Variants in CACNA2D3 observed in about 807,000 individuals in gnomAD.
CACNA2D3 encodes voltage-dependent calcium channel subunit alpha-2/delta-3.
In CACNA2D3, 60 loss-of-function variants were observed where a neutral mutation model predicts 160.6. The observed-to-expected ratio is 0.37, with a 90% CI of 0.30 to 0.46. The LOEUF (loss-of-function observed/expected upper bound fraction) is 0.46, where lower values mean the gene tolerates loss of function less well. Among genes scored for constraint, CACNA2D3 ranks in the 20% least tolerant of loss-of-function variants. The pLI is 1.00. For missense variants in CACNA2D3, 1,205 were observed against 1,365.0 expected (o/e 0.88, Z 1.85); for synonymous variants, 558 against 492.9 (o/e 1.13, Z -1.75).
At chr3:54,811,137 T>G (rs972865432) in intron 13 of CACNA2D3, among the ~76,000 whole-genome samples, 1 of 152,186 alleles carries the variant, frequency 6.6e-6, no homozygotes, top group Non-Finnish European at 1.5e-5. Context: ...ATGAGCTTCA[T>G]ATTTCCAGCT....
chr3:54,702,091 A>G (rs769815116), intron 11 of CACNA2D3, among the ~76,000 whole-genome samples: 4 of 152,196 alleles, frequency 2.6e-5, no homozygotes, highest in Non-Finnish European at 4.4e-5. Context: ...CTTTCTTTTC[A>G]CCATACACAA....
intron 27 of CACNA2D3, among the ~76,000 whole-genome samples, chr3:54,919,866 C>G (rs1295720406): frequency 1.3e-5 from 2 of 152,226 alleles, no homozygotes; most frequent in African/African-American, 4.8e-5. Flanking sequence ...ACATCCAAAC[C>G]CAGTTCTCCA....
At chr3:54,249,702 TC>T (rs1417051101) in intron 2 of CACNA2D3, among the ~76,000 whole-genome samples, 2 of 134,046 alleles carry the variant, frequency 1.5e-5, no homozygotes, top group African/African-American at 6.2e-5. Flanking sequence ...CACACACCCC[TC>T]ATCCTATTGG....
At chr3:54,277,830 A>G (rs1702781952) in intron 2 of CACNA2D3, among the ~76,000 whole-genome samples, 1 of 152,112 alleles carries the variant, frequency 6.6e-6, no homozygotes, top group Non-Finnish European at 1.5e-5. Flanking sequence ...ATTCTCCTTG[A>G]AGAGGTCCTT....
intron 12 of CACNA2D3, 91 bp downstream of exon 12, chr3:54,752,768 A>T: frequency 1.1e-6 from 1 of 896,190 alleles, no homozygotes; most frequent in East Asian, 2.7e-5. Context: ...AGTTCTAATA[A>T]TTCTAAGATA....
intron 4 of CACNA2D3, among the ~76,000 whole-genome samples, chr3:54,430,999 C>G (rs1168425243): frequency 6.6e-6 from 1 of 151,862 alleles, no homozygotes; most frequent in Non-Finnish European, 1.5e-5. Context: ...TAGTATATAC[C>G]ATATTCTTAG....
chr3:54,847,343 T>C (rs540157490), intron 17 of CACNA2D3, among the ~76,000 whole-genome samples: 1 of 96,378 alleles, frequency 1.0e-5, no homozygotes, highest in Non-Finnish European at 2.3e-5. Flanking sequence ...TCGTTTTCTT[T>C]AGCAATCAAC....
intron 13 of CACNA2D3, among the ~76,000 whole-genome samples, chr3:54,807,769 G>A (rs1703171728): frequency 6.6e-6 from 1 of 151,898 alleles, no homozygotes; most frequent in South Asian, 2.1e-4. Context: ...TGTTTATTGT[G>A]GCACTATTCC....
intron 13 of CACNA2D3, among the ~76,000 whole-genome samples, chr3:54,773,385 A>T (rs189641546): frequency 6.6e-6 from 1 of 152,236 alleles, no homozygotes; most frequent in African/African-American, 2.4e-5. Context: ...AGAAGTTCCA[A>T]TCGTCAAAAC....
chr3:54,646,134 CCTTCCTTCCTTCCT>C (rs1559537831), intron 11 of CACNA2D3, among the ~76,000 whole-genome samples: 1,166 of 28,312 alleles, frequency 0.041, 135 homozygotes, highest in Non-Finnish European at 0.088. Context: ...TTTCTTCCTT[CCTTCCTTCCTTCCT>C]TCCCTCCCTC....
At chr3:54,311,402 T>C (rs931234782) in intron 2 of CACNA2D3, among the ~76,000 whole-genome samples, 1 of 152,200 alleles carries the variant, frequency 6.6e-6, no homozygotes, top group African/African-American at 2.4e-5. Context: ...GGCTCCTTCA[T>C]AGACTACATC....
In CACNA2D3 at chr3:54,871,461, T is replaced by C. The variant is rs529535625; in HGVS notation, c.1627-78T>C. 9 of 1,069,452 alleles carry C rather than the reference T, an allele frequency of 8.4e-6. No homozygotes were observed. The South Asian group carries it at 9.8e-5, about 12-fold the overall frequency. The allele number at this position is 1,069,452 out of a possible 1,614,324, so 66.2% of individuals were successfully genotyped here. On this transcript the variant is annotated intron_variant, in intron 17 of 37. Transcript: ENST00000474759. ...CAAGCCCTGTCCATGAAACAGGACT[T>C]GGGAAGGTAAAGATTGCCCTGGCTG... is the stretch of plus-strand genomic sequence containing the variant.
chr3:54,369,679 G>A (rs13327625), intron 3 of CACNA2D3, among the ~76,000 whole-genome samples: 34,246 of 151,998 alleles, frequency 0.23, 3,873 homozygotes, highest in Middle Eastern at 0.29. Flanking sequence ...TTTCCCACCT[G>A]GGACATCTGC....
chr3:54,183,892 GAAAAAAAAA>G (rs58956795), intron 2 of CACNA2D3, among the ~76,000 whole-genome samples: 8 of 80,798 alleles, frequency 9.9e-5, no homozygotes, highest in Admixed American at 1.9e-4. Flanking sequence ...TCTCAAAAAA[GAAAAAAAAA>G]AAAAAAAAAA....
intron 11 of CACNA2D3, among the ~76,000 whole-genome samples, chr3:54,726,921 A>G (rs994574068): frequency 6.6e-6 from 1 of 152,180 alleles, no homozygotes; most frequent in Non-Finnish European, 1.5e-5. Context: ...AATGGGAGCT[A>G]ATTAAACTAA....
At chr3:54,336,345 T>C (rs1704377979) in intron 3 of CACNA2D3, among the ~76,000 whole-genome samples, 1 of 152,150 alleles carries the variant, frequency 6.6e-6, no homozygotes, top group Non-Finnish European at 1.5e-5. Context: ...CTCATTGCTC[T>C]TGCTTGTTTG....
At chr3:54,608,907 C>A (rs1698690125) in intron 9 of CACNA2D3, among the ~76,000 whole-genome samples, 2 of 152,130 alleles carry the variant, frequency 1.3e-5, no homozygotes, top group Non-Finnish European at 2.9e-5. Context: ...GAGTTGTGAT[C>A]TGGAGTCTGA....
At chr3:54,596,099 A>T (rs1444928895) in intron 9 of CACNA2D3, among the ~76,000 whole-genome samples, 1 of 152,100 alleles carries the variant, frequency 6.6e-6, no homozygotes, top group African/African-American at 2.4e-5. Context: ...TCATCCCAGG[A>T]ATGGTGCCAC....
At chr3:54,948,710 G>T (rs1701678363) in intron 27 of CACNA2D3, among the ~76,000 whole-genome samples, 2 of 152,170 alleles carry the variant, frequency 1.3e-5, no homozygotes, top group Non-Finnish European at 2.9e-5. Context: ...TGCCCATGCT[G>T]TTGTCAGCTA....
Sources: allele counts gnomAD v4.1 joint callset (sites outside exome capture counted in the v4.1 genomes callset), GRCh38; gene constraint gnomAD v4.1.1; transcripts MANE v1.5; gene names NCBI Gene and HGNC (gene_info 2026-07-23, HGNC 2026-07-21).